TREML2: variants seen among roughly 807,000 people sequenced by gnomAD.
TREML2 encodes the protein triggering receptor expressed on myeloid cells like 2, also known as trem-like transcript 2 protein.
TREML2 carries 24 observed loss-of-function variants against 25.9 expected under a neutral mutation model. The ratio of observed to expected loss-of-function variants is 0.93; its 90% CI spans 0.67 to 1.30. The LOEUF (loss-of-function observed/expected upper bound fraction) is 1.30, where lower values mean the gene tolerates loss of function less well. Ranked by LOEUF, TREML2 falls within the 50% of genes most tolerant of loss-of-function variation. The pLI is 0.00. For synonymous variants in TREML2, 139 were observed against 155.2 expected, an observed-to-expected ratio of 0.90 and a Z score of 0.77; for missense variants, 359 against 395.6, an observed-to-expected ratio of 0.91 and a Z score of 0.78.
Position 41,194,436 on chromosome 6 carries a change from C to A in TREML2, c.774G>T (p.Met258Ile). The A allele has an allele frequency of 1.3e-6, 2 of 1,570,764 alleles. No homozygotes were observed. Among genetic ancestry groups the A allele is most frequent in the Non-Finnish European group, 8.6e-7 (1 of 1,157,054 alleles). Residue 258 changes from methionine (M) to isoleucine (I), a missense_variant, in exon 3 of 5, where the codon ATG becomes ATT. Transcript: ENST00000483722. ...GGCCCCACAGGTACCTGATGGAGGGCATGGAGGGTAGTCTGTTGAGGAGAG... is the reference window on the plus strand; with the variant it reads ...GGCCCCACAGGTACCTGATGGAGGGAATGGAGGGTAGTCTGTTGAGGAGAG... Reference protein sequence around the residue: ...SRSLLNRLPSMPSIRHQDVYS... With the variant: ...SRSLLNRLPSIPSIRHQDVYS...
chr6:41,194,378 T>C, intron 3 of TREML2, 47 bp downstream of exon 3: 1 of 1,484,658 alleles, frequency 6.7e-7, no homozygotes, highest in Non-Finnish European at 9.0e-7. Context: ...CCAGGTCTGT[T>C]TGGGCACTAA....
In TREML2 at chr6:41,197,979, G is replaced by A. The variant is rs1582098529; in HGVS notation, c.376+130C>T. The A allele has an allele frequency of 1.4e-5, 13 of 901,712 alleles. No homozygotes were observed. In the South Asian group the frequency reaches 2.2e-4, roughly 15 times the overall value. 55.9% of individuals were successfully genotyped at this position (901,712 alleles called of 1,614,324 possible). On this transcript the variant is annotated intron_variant, in intron 2 of 4. Coordinates refer to ENST00000483722, the MANE Select transcript of TREML2 (RefSeq NM_024807.4). ...ATAGTGCCACGAATAGTGCCATAAA[G>A]GCACTCTGAAAACACTACAGTGCAA...
Position 41,194,425 on chromosome 6 carries a change from C to A in TREML2, c.785G>T (p.Arg262Met), listed in dbSNP as rs914510258. ...LNRLPSMPSI[R>M]HQDVYSTVLG... ...ACTCAACCCCAGGCCCCACAGGTAC[C>A]TGATGGAGGGCATGGAGGGTAGTCT... The change falls in exon 3 of 5, where the codon AGG becomes ATG. Residue 262 changes from arginine to methionine, a missense_variant and splice_region_variant. Physicochemically the swap from Arg to Met is moderately conservative, Grantham distance 91. Transcript: ENST00000483722. The A allele has an allele frequency of 2.6e-6, 4 of 1,556,974 alleles. No homozygotes were observed. The African/African-American group carries it at 5.4e-5, about 21-fold the overall frequency.
rs1356079900 is a variant in TREML2 at position 41,192,528 on chromosome 6, G to A, written c.887-22C>T. 13 of 1,611,150 alleles carry A rather than the reference G, an allele frequency of 8.1e-6. No homozygotes were observed. The South Asian group carries it at 1.2e-4, about 15-fold the overall frequency. ...TAGCCTGCAAGAAACAGGGAGAGCTGAGGAAGTGTCCTGCCCTGCCCACGG... is the reference window on the plus strand; with the variant it reads ...TAGCCTGCAAGAAACAGGGAGAGCTAAGGAAGTGTCCTGCCCTGCCCACGG... On this transcript the variant is annotated intron_variant, in intron 4 of 4. Coordinates refer to ENST00000483722, the MANE Select transcript of TREML2 (RefSeq NM_024807.4).
At position 41,190,851 on chromosome 6, in the gene TREML2, GTGTCTGTCTGTCTGTCTGTCTGTC is replaced by G. The variant is rs11271583; in HGVS notation, c.*1552_*1575del. The stretch of plus-strand genomic sequence containing the variant: ...GCTAGACAGAGATGGGTGTGTGTGC[GTGTCTGTCTGTCTGTCTGTCTGTC>G]TGTCTGTCTGTCTGTCCTGGGTCCA... On this transcript the variant is annotated 3_prime_UTR_variant, in exon 5 of 5. Coordinates refer to ENST00000483722, the MANE Select transcript of TREML2 (RefSeq NM_024807.4). 2 of 151,274 alleles carry G rather than the reference GTGTCTGTCTGTCTGTCTGTCTGTC, an allele frequency of 1.3e-5. No individual in the cohort carries two copies. Among genetic ancestry groups the G allele is most frequent in the Admixed American group, 6.6e-5 (1 of 15,208 alleles). The allele number at this position is 151,274 out of a possible 1,614,324, so 9.4% of individuals were successfully genotyped here. A position where few individuals can be genotyped will look rare whatever the true frequency, so the allele number is the denominator to read the frequency against.
rs1561887549 is a variant in TREML2, at chr6:41,191,168, C to CGT, written c.*1258_*1259insAC. ...TCCAGTCACTCCAGGTCAGTAGACA[C>CGT]CTGTGTGTGTGTGTGTGTGTGTGTG... On this transcript the variant is annotated 3_prime_UTR_variant, in exon 5 of 5. Transcript: ENST00000483722. 507 of 120,078 alleles carry CGT rather than the reference C, an allele frequency of 4.2e-3. 8 individuals carry two copies. Among genetic ancestry groups the CGT allele is most frequent in the Non-Finnish European group, 7.1e-3 (406 of 57,222 alleles). The allele number at this position is 120,078 out of a possible 1,614,324, so 7.4% of individuals were successfully genotyped here. A position where few individuals can be genotyped will look rare whatever the true frequency, so the allele number is the denominator to read the frequency against.
chr6:41,196,670 C>T (rs1009203926), intron 2 of TREML2, among the ~76,000 whole-genome samples: 6 of 152,080 alleles, frequency 3.9e-5, no homozygotes, highest in Non-Finnish European at 7.4e-5. Context: ...CAAAAGAAAC[C>T]CCTTACTGTT....
intron 4 of TREML2, 133 bp from the exon 5 acceptor site, chr6:41,192,639 G>A: frequency 8.6e-7 from 1 of 1,162,822 alleles, no homozygotes; most frequent in Non-Finnish European, 1.2e-6. Context: ...GTTGTGCTGG[G>A]TGGTCTCCGC....
rs540178014 is a variant in TREML2, at chr6:41,195,004, G to A, written c.377-171C>T. On this transcript the variant is annotated intron_variant, in intron 2 of 4. Coordinates refer to ENST00000483722, the MANE Select transcript of TREML2 (RefSeq NM_024807.4). ...CTGCTGAGTGATCAGATGTGTATTT[G>A]TTCAGAAAGTGATATCAGGAGGAAG... Among the ~76,000 whole-genome samples the A allele has an allele frequency of 1.2e-4, 18 of 152,170 alleles. 1 individual carries two copies. The South Asian group carries it at 3.7e-3, about 32-fold the overall frequency.
chr6:41,197,005 A>C (rs769643785), intron 2 of TREML2, among the ~76,000 whole-genome samples: 6 of 152,218 alleles, frequency 3.9e-5, no homozygotes, highest in South Asian at 2.1e-4. Flanking sequence ...CTGCTGATCA[A>C]ATAGAAAACC....
chr6:41,200,761 T>C (rs1766258976), intron 1 of TREML2, among the ~76,000 whole-genome samples, 193 bp downstream of exon 1: 1 of 152,198 alleles, frequency 6.6e-6, no homozygotes. Flanking sequence ...TTATCTTGGC[T>C]TGGGAGGCCT....
Position 41,194,427 on chromosome 6 carries a change from G to A in TREML2, c.783C>T (p.Ile261=), listed in dbSNP as rs773665047. Residue 261 remains isoleucine (I), a splice_region_variant and synonymous_variant, in exon 3 of 5, where the codon ATC becomes ATT. Coordinates refer to ENST00000483722, the MANE Select transcript of TREML2 (RefSeq NM_024807.4). ...LLNRLPSMPS[I]RHQDVYSTVL... ...TCAACCCCAGGCCCCACAGGTACCT[G>A]ATGGAGGGCATGGAGGGTAGTCTGT... 2 of 1,560,300 alleles carry A rather than the reference G, an allele frequency of 1.3e-6. No homozygotes were observed. Among genetic ancestry groups the A allele is most frequent in the South Asian group, 1.2e-5 (1 of 84,972 alleles).
At chr6:41,192,581 G>T in intron 4 of TREML2, 75 bp from the exon 5 acceptor site, 1 of 1,439,250 alleles carries the variant, frequency 6.9e-7, no homozygotes, top group Non-Finnish European at 9.7e-7. Context: ...ACCAGCCCCA[G>T]CCCCTTTCTG....
chr6:41,198,057 G>A (rs1766201742), intron 2 of TREML2, 52 bp downstream of exon 2: 4 of 1,480,842 alleles, frequency 2.7e-6, no homozygotes, highest in Non-Finnish European at 3.6e-6. Context: ...AGTGGAGTGT[G>A]GGGCAGGAGG....
chr6:41,197,094 G>A (rs1766180923), intron 2 of TREML2, among the ~76,000 whole-genome samples: 1 of 152,110 alleles, frequency 6.6e-6, no homozygotes, highest in Admixed American at 6.5e-5. Context: ...CATATGAGCT[G>A]AACAGAAAGT....
chr6:41,194,027 A>C (rs1582096113), intron 3 of TREML2, among the ~76,000 whole-genome samples: 6 of 91,852 alleles, frequency 6.5e-5, no homozygotes, highest in African/African-American at 1.7e-4. Context: ...CACTTCCCCC[A>C]CCTTCCTCCC....
At position 41,192,189 on chromosome 6, in the gene TREML2, G is replaced by T. The variant is rs1766076651; in HGVS notation, c.*238C>A. ...GAAACCACTGGTCACATTTCCTCGGGACTTTCTCCCTGATGCCCTTTGCTC... is the reference window on the plus strand; with the variant it reads ...GAAACCACTGGTCACATTTCCTCGGTACTTTCTCCCTGATGCCCTTTGCTC... On this transcript the variant is annotated 3_prime_UTR_variant, in exon 5 of 5. Coordinates refer to ENST00000483722, the MANE Select transcript of TREML2 (RefSeq NM_024807.4). 3.7e-6 allele frequency: 2 copies of T among 534,290 alleles called. No homozygotes were observed. Among genetic ancestry groups the T allele is most frequent in the Non-Finnish European group, 6.8e-6 (2 of 294,934 alleles). 33.1% of individuals were successfully genotyped at this position (534,290 alleles called of 1,614,324 possible). A position where few individuals can be genotyped will look rare whatever the true frequency, so the allele number is the denominator to read the frequency against.
rs911774021 is a variant in TREML2, at chr6:41,190,625, T to C, written c.*1802A>G. On this transcript the variant is annotated 3_prime_UTR_variant, in exon 5 of 5. Coordinates refer to ENST00000483722, the MANE Select transcript of TREML2 (RefSeq NM_024807.4). Reference sequence around the variant, plus strand: ...AGGGTCACACAGTGACAGAGTGGTATCCTGGTCCCTGTCCCTGACTTCTTC... The same window carrying C: ...AGGGTCACACAGTGACAGAGTGGTACCCTGGTCCCTGTCCCTGACTTCTTC... The C allele has an allele frequency of 2.6e-5, 4 of 152,260 alleles. No homozygotes were observed. Among genetic ancestry groups the C allele is most frequent in the African/African-American group, 9.6e-5 (4 of 41,470 alleles). 9.4% of individuals were successfully genotyped at this position (152,260 alleles called of 1,614,324 possible). A position where few individuals can be genotyped will look rare whatever the true frequency, so the allele number is the denominator to read the frequency against.
Position 41,192,369 on chromosome 6 carries a change from T to C in TREML2, c.*58A>G. ...CGATACTGGCCCCAATCTTCACCCC[T>C]CCTCTAACCCCCTGGGGCCACTCTG... On this transcript the variant is annotated 3_prime_UTR_variant, in exon 5 of 5. Transcript: ENST00000483722. 1.4e-6 allele frequency: 2 copies of C among 1,385,966 alleles called. No individual in the cohort carries two copies. Among genetic ancestry groups the C allele is most frequent in the Non-Finnish European group, 2.0e-6 (2 of 978,666 alleles). 85.9% of individuals were successfully genotyped at this position (1,385,966 alleles called of 1,614,324 possible).
Sources: allele counts gnomAD v4.1 joint callset (sites outside exome capture counted in the v4.1 genomes callset), GRCh38; gene constraint gnomAD v4.1.1; transcripts MANE v1.5; gene names NCBI Gene and HGNC (gene_info 2026-07-23, HGNC 2026-07-21).